The following MOB3B variants were observed in gnomAD, a reference collection of about 807,000 sequenced individuals.
MOB3B encodes MOB kinase activator-like 2B.
In MOB3B, 7 loss-of-function variants were observed where a neutral mutation model predicts 18.7. The ratio of observed to expected loss-of-function variants is 0.37; its 90% CI spans 0.21 to 0.70. MOB3B has a LOEUF of 0.70. Among genes scored for constraint, MOB3B ranks in the 30% least tolerant of loss-of-function variants. The pLI, the probability that MOB3B is intolerant of heterozygous loss-of-function variation, is 0.52. For missense variants in MOB3B, 253 were observed against 281.3 expected, an observed-to-expected ratio of 0.90 and a Z score of 0.72; for synonymous variants, 111 against 99.9, an observed-to-expected ratio of 1.11 and a Z score of -0.66.
intron 2 of MOB3B, among the ~76,000 whole-genome samples, chr9:27,429,576 T>C (rs1238252556): frequency 6.6e-6 from 1 of 152,124 alleles, no homozygotes; most frequent in Non-Finnish European, 1.5e-5. Flanking sequence ...CAATGGCTCA[T>C]TGTCTTACTG....
intron 2 of MOB3B, among the ~76,000 whole-genome samples, chr9:27,361,237 G>T (rs527658216): frequency 3.9e-5 from 6 of 152,170 alleles, no homozygotes; most frequent in Non-Finnish European, 8.8e-5. Flanking sequence ...TTGCTAAAAA[G>T]TGGTAGGGCT....
At chr9:27,395,165 G>A (rs1057339832) in intron 2 of MOB3B, among the ~76,000 whole-genome samples, 1 of 152,224 alleles carries the variant, frequency 6.6e-6, no homozygotes, top group Non-Finnish European at 1.5e-5. Context: ...GACCGCTGAA[G>A]CGGGGAGATA....
At chr9:27,457,940 C>T (rs1367886938) in intron 1 of MOB3B, among the ~76,000 whole-genome samples, 1 of 152,084 alleles carries the variant, frequency 6.6e-6, no homozygotes, top group Non-Finnish European at 1.5e-5. Context: ...TGAAAACAGG[C>T]TTAAGAAACC....
intron 2 of MOB3B, among the ~76,000 whole-genome samples, chr9:27,375,961 T>G (rs1821484706): frequency 6.6e-6 from 1 of 152,214 alleles, no homozygotes; most frequent in Non-Finnish European, 1.5e-5. Flanking sequence ...AAAAGTAATA[T>G]TGTTTAAAAA....
intron 1 of MOB3B, among the ~76,000 whole-genome samples, chr9:27,468,017 T>G (rs1323067701): frequency 6.6e-6 from 1 of 152,250 alleles, no homozygotes; most frequent in Non-Finnish European, 1.5e-5. Context: ...GCAGAGTGGC[T>G]TGGCTATGCA....
At chr9:27,524,226 T>C (rs1330477219) in intron 1 of MOB3B, 31 of 1,089,570 alleles carry the variant, frequency 2.8e-5, no homozygotes, top group Non-Finnish European at 3.6e-5. Flanking sequence ...AAATGACGAA[T>C]GAGAAAACTC....
chr9:27,529,269 C>A, intron 1 of MOB3B, among the ~76,000 whole-genome samples: 1 of 122,864 alleles, frequency 8.1e-6, no homozygotes, highest in South Asian at 2.7e-4. Context: ...CTTTTCAAAT[C>A]AAGGACAAAT....
At chr9:27,447,525 C>A (rs1263665119) in intron 2 of MOB3B, among the ~76,000 whole-genome samples, 1 of 152,146 alleles carries the variant, frequency 6.6e-6, no homozygotes, top group Non-Finnish European at 1.5e-5. Flanking sequence ...GAGATACAGC[C>A]CATTAAAATT....
At chr9:27,344,724 G>C (rs1821006041) in intron 3 of MOB3B, among the ~76,000 whole-genome samples, 1 of 152,192 alleles carries the variant, frequency 6.6e-6, no homozygotes. Context: ...TGTGGATGTG[G>C]TCTAATGTCT....
chr9:27,374,636 G>A (rs1211649519), intron 2 of MOB3B, among the ~76,000 whole-genome samples: 1 of 152,072 alleles, frequency 6.6e-6, no homozygotes, highest in Non-Finnish European at 1.5e-5. Flanking sequence ...ATGAGAAACT[G>A]GTGCCTGCAG....
chr9:27,478,395 A>G (rs1819593468), intron 1 of MOB3B, among the ~76,000 whole-genome samples: 1 of 152,230 alleles, frequency 6.6e-6, no homozygotes, highest in Non-Finnish European at 1.5e-5. Flanking sequence ...ATTACGTTTA[A>G]AAGTTTTTTT....
intron 2 of MOB3B, among the ~76,000 whole-genome samples, chr9:27,420,548 CATATAT>C (rs55684272): frequency 0.048 from 1,496 of 30,952 alleles, 59 homozygotes; most frequent in African/African-American, 0.08. Context: ...CTGTATATTC[CATATAT>C]ATATATATAT....
At chr9:27,508,325 T>G (rs148055019) in intron 1 of MOB3B, among the ~76,000 whole-genome samples, 1 of 152,210 alleles carries the variant, frequency 6.6e-6, no homozygotes, top group East Asian at 1.9e-4. Context: ...TTATAAAGTA[T>G]CACATTAAAA....
chr9:27,439,084 T>C (rs1446345202), intron 2 of MOB3B, among the ~76,000 whole-genome samples: 2 of 152,180 alleles, frequency 1.3e-5, no homozygotes, highest in African/African-American at 2.4e-5. Context: ...TGAATATTTA[T>C]TGAACATTTT....
At chr9:27,456,537 G>C (rs1001172823) in intron 1 of MOB3B, among the ~76,000 whole-genome samples, 1 of 152,192 alleles carries the variant, frequency 6.6e-6, no homozygotes, top group Non-Finnish European at 1.5e-5. Context: ...TATGCTTCAT[G>C]CCTTTTGGGA....
chr9:27,503,660 A>C (rs549641404), intron 1 of MOB3B, among the ~76,000 whole-genome samples: 1 of 152,374 alleles, frequency 6.6e-6, no homozygotes, highest in South Asian at 2.1e-4. Flanking sequence ...GAATCATAGA[A>C]TAATCAGGGT....
intron 1 of MOB3B, among the ~76,000 whole-genome samples, chr9:27,481,518 T>TG (rs1819653761): frequency 7.2e-6 from 1 of 138,266 alleles, no homozygotes; most frequent in Non-Finnish European, 1.6e-5. Flanking sequence ...TTTGTTTTTT[T>TG]TGTTTTTTTT....
intron 1 of MOB3B, among the ~76,000 whole-genome samples, chr9:27,484,783 G>C (rs781596705): frequency 1.3e-5 from 2 of 152,070 alleles, no homozygotes; most frequent in South Asian, 2.1e-4. Context: ...AGAACTCAGC[G>C]TTCCATGCAT....
intron 2 of MOB3B, among the ~76,000 whole-genome samples, chr9:27,396,479 C>T (rs1043367960): frequency 1.3e-5 from 2 of 152,150 alleles, no homozygotes; most frequent in African/African-American, 4.8e-5. Flanking sequence ...GTTTCCTACT[C>T]AGGTTAGTCA....
Sources: allele counts gnomAD v4.1 joint callset (sites outside exome capture counted in the v4.1 genomes callset), GRCh38; gene constraint gnomAD v4.1.1; transcripts MANE v1.5; gene names NCBI Gene and HGNC (gene_info 2026-07-23, HGNC 2026-07-21).